DCX: variants seen among roughly 807,000 people sequenced by gnomAD.
The protein encoded by DCX is doublecortin.
Under a neutral mutation model 20.9 loss-of-function variants are expected in DCX, and 4 were observed. The ratio of observed to expected loss-of-function variants is 0.19; its 90% CI spans 0.09 to 0.44. The LOEUF (loss-of-function observed/expected upper bound fraction) is 0.44. Ranked by LOEUF, DCX falls within the 20% of genes least tolerant of loss-of-function variation. The probability of loss-of-function intolerance (pLI) is 0.99; values close to 1 mark genes in which losing one functional copy is unlikely to be tolerated. For synonymous variants in DCX, 103 were observed against 111.4 expected (o/e 0.92, Z 0.47); for missense variants, 133 against 296.9 (o/e 0.45, Z 4.06).
intron 6 of DCX, among the ~76,000 whole-genome samples, chrX:111,309,845 T>G (rs1410486020): frequency 8.9e-6 from 1 of 111,896 alleles, no homozygotes; most frequent in Non-Finnish European, 1.9e-5. Flanking sequence ...AAAAAGAACA[T>G]TATTAAAGCA....
At position 111,312,653 on chromosome X, in the gene DCX, G is replaced by A. The variant is rs2095060159; in HGVS notation, c.1030C>T (p.Arg344Trp). 4.1e-6 allele frequency: 5 copies of A among 1,211,560 alleles called. No individual in the cohort carries two copies. The highest frequency in any genetic ancestry group is 1.7e-5 in the African/African-American group (1 of 57,771). Residue 344 changes from arginine to tryptophan, a missense_variant, in exon 6 of 7, where the codon CGG (arginine) becomes TGG (tryptophan). Arg to Trp is a moderately radical substitution (Grantham distance 101, BLOSUM62 -3). Coordinates refer to ENST00000636035, the MANE Select transcript of DCX (RefSeq NM_001195553.2). ...ISTPTSPGSL[R>W]KHKVDLYLPL... ...AAGAGACATAATACCTTGTGCTTCC[G>A]GAGGCTGCCAGGACTGGTGGGCGTA...
At chrX:111,322,081 T>C (rs1314126990) in intron 5 of DCX, among the ~76,000 whole-genome samples, 1 of 112,334 alleles carries the variant, frequency 8.9e-6, no homozygotes, top group Non-Finnish European at 1.9e-5. Context: ...AAAAGAGCTA[T>C]GATAATAATT....
chrX:111,379,529 G>A (rs1435716753), intron 3 of DCX, among the ~76,000 whole-genome samples: 2 of 111,627 alleles, frequency 1.8e-5, no homozygotes, highest in South Asian at 3.7e-4. Flanking sequence ...GTTCATTCAC[G>A]TTATAGCATG....
intron 2 of DCX, among the ~76,000 whole-genome samples, chrX:111,404,214 A>C (rs1928037991): frequency 9.0e-6 from 1 of 110,934 alleles, no homozygotes; most frequent in Admixed American, 9.6e-5. Flanking sequence ...AAAGAGGAAA[A>C]AATTGCTGAG....
intron 4 of DCX, among the ~76,000 whole-genome samples, chrX:111,331,467 A>G (rs1233291220): frequency 8.9e-6 from 1 of 112,282 alleles, no homozygotes; most frequent in Non-Finnish European, 1.9e-5. Context: ...GGAGAGGTAG[A>G]GAGCTACCAC....
At chrX:111,320,782 G>C (rs1325158131) in intron 5 of DCX, among the ~76,000 whole-genome samples, 1 of 109,624 alleles carries the variant, frequency 9.1e-6, no homozygotes, top group Non-Finnish European at 1.9e-5. Flanking sequence ...TCTTTATTGA[G>C]TGTCTATGAT....
intron 6 of DCX, among the ~76,000 whole-genome samples, chrX:111,305,817 C>T (rs2095044252): frequency 9.0e-6 from 1 of 110,595 alleles, no homozygotes; most frequent in Non-Finnish European, 1.9e-5. Flanking sequence ...AGAAACAGAG[C>T]TATGCTATGG....
chrX:111,320,373 G>A (rs982177117), intron 5 of DCX, among the ~76,000 whole-genome samples: 3 of 112,192 alleles, frequency 2.7e-5, no homozygotes, highest in African/African-American at 9.7e-5. Context: ...AATAGGGTCT[G>A]ATGAACTTTG....
At chrX:111,399,837 A>G (rs1461264963) in intron 3 of DCX, among the ~76,000 whole-genome samples, 1 of 111,746 alleles carries the variant, frequency 8.9e-6, no homozygotes, top group African/African-American at 3.3e-5. Flanking sequence ...GGTATAACCA[A>G]TGTGTCCAGG....
rs987650615 is a variant in DCX, at chrX:111,312,827, T to C, written c.947-91A>G. On this transcript the variant is annotated intron_variant, in intron 5 of 6. Coordinates refer to ENST00000636035, the MANE Select transcript of DCX (RefSeq NM_001195553.2). ...TCCCCTCAGAAGACACTAAGAACAT[T>C]CAAACAAGGTACACAGACAACCAAG... is the stretch of plus-strand genomic sequence containing the variant. The C allele has an allele frequency of 8.1e-6, 7 of 863,677 alleles. No homozygotes were observed. The African/African-American group carries it at 1.4e-4, about 17-fold the overall frequency. The allele number at this position is 863,677 out of a possible 1,213,427, so 71.2% of individuals were successfully genotyped here. A position where few individuals can be genotyped will look rare whatever the true frequency, so the allele number is the denominator to read the frequency against.
At position 111,410,400 on chromosome X, in the gene DCX, T is replaced by A. The variant is rs1263114154; in HGVS notation, c.-2A>T. ...AAAGTGTCCAAAATCAAGTTCCATA[T>A]TTTGGTGGAACCTCAGAGACCTGAG... On this transcript the variant is annotated 5_prime_UTR_variant, in exon 2 of 7. Coordinates refer to ENST00000636035, the MANE Select transcript of DCX (RefSeq NM_001195553.2). The A allele has an allele frequency of 8.3e-7, 1 of 1,210,446 alleles. No individual in the cohort carries two copies. The highest frequency in any genetic ancestry group is 3.0e-5 in the East Asian group (1 of 33,786).
intron 3 of DCX, among the ~76,000 whole-genome samples, chrX:111,360,117 T>A (rs1924084211): frequency 8.9e-6 from 1 of 112,023 alleles, no homozygotes; most frequent in Non-Finnish European, 1.9e-5. Flanking sequence ...ATATCCATAC[T>A]ATAGAATATT....
At chrX:111,398,427 G>A (rs1377647912) in intron 3 of DCX, among the ~76,000 whole-genome samples, 1 of 110,904 alleles carries the variant, frequency 9.0e-6, no homozygotes, top group Non-Finnish European at 1.9e-5. Context: ...ATTTGAACCA[G>A]GTCTTATAAG....
intron 3 of DCX, among the ~76,000 whole-genome samples, chrX:111,334,348 C>G (rs1205681717): frequency 9.0e-6 from 1 of 111,637 alleles, no homozygotes; most frequent in Non-Finnish European, 1.9e-5. Flanking sequence ...CAGGGTCACT[C>G]TCATTAAGCC....
chrX:111,342,339 TTATATATATATATATATATATA>T (rs60045433), intron 3 of DCX, among the ~76,000 whole-genome samples: 384 of 20,745 alleles, frequency 0.019, 10 homozygotes, highest in African/African-American at 0.035. Context: ...GAGCTAACTA[TTATATATATATATATATATATA>T]TATATATATA....
At chrX:111,403,222 C>G (rs758822765) in intron 2 of DCX, among the ~76,000 whole-genome samples, 50 of 111,937 alleles carry the variant, frequency 4.5e-4, no homozygotes, top group Non-Finnish European at 4.3e-4. Context: ...GCCTTTGAGT[C>G]AGATGTTTTC....
At position 111,301,453 on chromosome X, in the gene DCX, C is replaced by T; in HGVS notation, c.*234G>A. 2 of 440,837 alleles carry T rather than the reference C, an allele frequency of 4.5e-6. No individual in the cohort carries two copies. Among genetic ancestry groups the T allele is most frequent in the Non-Finnish European group, 8.1e-6 (2 of 247,064 alleles). 36.3% of individuals were successfully genotyped at this position (440,837 alleles called of 1,213,427 possible). A position where few individuals can be genotyped will look rare whatever the true frequency, so the allele number is the denominator to read the frequency against. On this transcript the variant is annotated 3_prime_UTR_variant, in exon 7 of 7. Transcript: ENST00000636035. ...CATTTTGCATCCCTGGAATGCTGCC[C>T]CAAAGGATGGTTATCAATCTATCTC...
chrX:111,306,140 A>G (rs2095044910), intron 6 of DCX, among the ~76,000 whole-genome samples: 1 of 111,636 alleles, frequency 9.0e-6, no homozygotes. Flanking sequence ...GAGACTGGCA[A>G]AATAGATTTT....
At chrX:111,366,568 C>A (rs1338745464) in intron 3 of DCX, among the ~76,000 whole-genome samples, 1 of 111,749 alleles carries the variant, frequency 8.9e-6, no homozygotes, top group Non-Finnish European at 1.9e-5. Flanking sequence ...TTCCCAGGCT[C>A]TCAGGGCATG....
Sources: gnomAD v4.1 joint callset for allele counts (sites outside exome capture counted in the v4.1 genomes callset) on GRCh38, gnomAD v4.1.1 for gene constraint, MANE v1.5 for transcripts, NCBI Gene and HGNC (gene_info 2026-07-23, HGNC 2026-07-21) for gene names.